Variants in ATP13A4 observed in about 807,000 individuals in gnomAD.
The protein encoded by ATP13A4 is probable cation-transporting ATPase 13A4.
Under a neutral mutation model 142.5 loss-of-function variants are expected in ATP13A4, and 114 were observed. The observed-to-expected ratio is 0.80, with a 90% CI of 0.69 to 0.93. The LOEUF (loss-of-function observed/expected upper bound fraction) is 0.93. Ranked by LOEUF, ATP13A4 falls within the 40% of genes least tolerant of loss-of-function variation. The pLI is 0.00. For missense variants in ATP13A4, 1,392 were observed against 1,454.0 expected (o/e 0.96, Z 0.69); for synonymous variants, 488 against 514.8 (o/e 0.95, Z 0.70).
At chr3:193,463,477 T>C (rs1718080480) in intron 12 of ATP13A4, among the ~76,000 whole-genome samples, 1 of 150,040 alleles carries the variant, frequency 6.7e-6, no homozygotes, top group African/African-American at 2.5e-5. Context: ...AGTGCAATAT[T>C]ATGGTTAAGA....
intron 7 of ATP13A4, among the ~76,000 whole-genome samples, chr3:193,484,764 G>C (rs1719506501): frequency 6.6e-6 from 1 of 152,052 alleles, no homozygotes; most frequent in African/African-American, 2.4e-5. Context: ...AATATTTCAG[G>C]AATAGAATGA....
In ATP13A4 at chr3:193,483,999, C is replaced by T. The variant is rs375444092; in HGVS notation, c.745G>A (p.Val249Ile). 6.2e-7 allele frequency: 1 copy of T among 1,607,962 alleles called. No homozygotes were observed. The highest frequency in any genetic ancestry group is 1.3e-5 in the African/African-American group (1 of 74,726). ...GACTCGACGAGATGGTGGAGTTTTA[C>T]AGATTGCTGAAAAAGAAGGAAAAAT... ...LTVYDLREQS[V>I]KLHHLVESHN... Residue 249 changes from valine (V) to isoleucine (I), a missense_variant, in exon 8 of 30, where the codon GTA becomes ATA. Coordinates refer to ENST00000342695, the MANE Select transcript of ATP13A4 (RefSeq NM_032279.4).
chr3:193,502,594 G>T lies in ATP13A4; in HGVS notation c.280C>A (p.Leu94Met). The T allele has an allele frequency of 6.2e-7, 1 of 1,613,796 alleles. No homozygotes were observed. Residue 94 changes from leucine (L) to methionine (M), a missense_variant, in exon 3 of 30, where the codon CTG becomes ATG. Coordinates refer to ENST00000342695, the MANE Select transcript of ATP13A4 (RefSeq NM_032279.4). ...YSWKKVIWIY[L>M]SALNSAFGLT... ...CCAAATGCGCTGTTTAATGCTGACA[G>T]GTAGATCCATATTACCTTTTTCCAA...
At chr3:193,492,661 C>T (rs948135899) in intron 5 of ATP13A4, among the ~76,000 whole-genome samples, 2 of 152,064 alleles carry the variant, frequency 1.3e-5, no homozygotes, top group African/African-American at 4.8e-5. Context: ...CTCGTTCCGG[C>T]CATGAAACCC....
At chr3:193,585,651 T>A (rs574560460) in intron 1 of ATP13A4, among the ~76,000 whole-genome samples, 1 of 152,284 alleles carries the variant, frequency 6.6e-6, no homozygotes, top group South Asian at 2.1e-4. Flanking sequence ...TCTGTTAGAT[T>A]CATTCGTGTT....
chr3:193,408,164 C>A (rs1386530876), intron 28 of ATP13A4, among the ~76,000 whole-genome samples: 1 of 152,252 alleles, frequency 6.6e-6, no homozygotes, highest in East Asian at 1.9e-4. Context: ...TGCATTGCCT[C>A]ATACGTTAGT....
chr3:193,582,837 TATATATGTATATTACATATATAAA>T (rs1724591648), intron 1 of ATP13A4, among the ~76,000 whole-genome samples: 1 of 15,392 alleles, frequency 6.5e-5, no homozygotes, highest in African/African-American at 4.8e-4. Context: ...ATATATAAAA[TATATATGTATATTACATATATAAA>T]ATATATATGT....
At chr3:193,402,937 C>T (rs62285692) in intron 29 of ATP13A4, 73 bp from the exon 30 acceptor site, 235,441 of 1,328,162 alleles carry the variant, frequency 0.18, 21,312 homozygotes, top group Admixed American at 0.23. Flanking sequence ...CACAGGCCAT[C>T]ATAAGTCACT....
chr3:193,578,483 A>G (rs1577088216), intron 2 of ATP13A4, among the ~76,000 whole-genome samples: 1 of 152,232 alleles, frequency 6.6e-6, no homozygotes, highest in Non-Finnish European at 1.5e-5. Context: ...TTCTCCCATT[A>G]TAGAGAGTGT....
chr3:193,528,914 C>A (rs180762018), intron 1 of ATP13A4, among the ~76,000 whole-genome samples: 1 of 152,128 alleles, frequency 6.6e-6, no homozygotes, highest in East Asian at 1.9e-4. Context: ...TCTTCTAATA[C>A]CCAAACCATA....
intron 2 of ATP13A4, 55 bp downstream of exon 2, chr3:193,514,643 A>C: frequency 6.2e-7 from 1 of 1,609,468 alleles, no homozygotes. Flanking sequence ...ATCCCGTAAC[A>C]CATTGTCCAG....
At chr3:193,548,288 C>T (rs1723339066) in intron 1 of ATP13A4, among the ~76,000 whole-genome samples, 1 of 152,162 alleles carries the variant, frequency 6.6e-6, no homozygotes, top group South Asian at 2.1e-4. Flanking sequence ...TGCAATTACG[C>T]TATCATGCCC....
chr3:193,568,719 G>T (rs1358152138), intron 2 of ATP13A4, among the ~76,000 whole-genome samples: 2 of 152,122 alleles, frequency 1.3e-5, no homozygotes, highest in Non-Finnish European at 1.5e-5. Context: ...TATACAAGAT[G>T]AGCCTCTTGT....
chr3:193,586,098 C>CACACACACACAT (rs1038980848), intron 1 of ATP13A4, among the ~76,000 whole-genome samples: 3 of 45,074 alleles, frequency 6.7e-5, no homozygotes, highest in African/African-American at 2.9e-4. Flanking sequence ...CATACACACA[C>CACACACACACAT]ACACACACAC....
At chr3:193,542,493 C>G (rs1378929773) in intron 1 of ATP13A4, among the ~76,000 whole-genome samples, 5 of 151,082 alleles carry the variant, frequency 3.3e-5, no homozygotes, top group African/African-American at 1.2e-4. Flanking sequence ...TATATGGTAC[C>G]CAAAAAAAAA....
chr3:193,589,413 A>G (rs1160011970), intron 1 of ATP13A4, among the ~76,000 whole-genome samples: 1 of 152,154 alleles, frequency 6.6e-6, no homozygotes, highest in Non-Finnish European at 1.5e-5. Context: ...GAGATCTCCC[A>G]AGAAGAACTT....
At chr3:193,493,856 T>C (rs1250000003) in intron 3 of ATP13A4, among the ~76,000 whole-genome samples, 1 of 152,052 alleles carries the variant, frequency 6.6e-6, no homozygotes, top group Non-Finnish European at 1.5e-5. Flanking sequence ...CATTTTCCTT[T>C]CTAACATAAA....
chr3:193,403,767 C>G lies in ATP13A4; in HGVS notation c.3379-903G>C, dbSNP rs1188733800. ...ATTTTCCACTTTTATCATGTTTGCT[C>G]ACAAAGATTGACCATCTTAGAGGTT... On this transcript the variant is annotated intron_variant, in intron 29 of 29. Coordinates refer to ENST00000342695, the MANE Select transcript of ATP13A4 (RefSeq NM_032279.4). 5.1e-6 allele frequency: 5 copies of G among 984,832 alleles called. No individual in the cohort carries two copies. The African/African-American group carries it at 8.7e-5, about 17-fold the overall frequency. 61.0% of individuals were successfully genotyped at this position (984,832 alleles called of 1,614,324 possible).
chr3:193,528,871 T>C (rs1260323946), intron 1 of ATP13A4, among the ~76,000 whole-genome samples: 1 of 7,874 alleles, frequency 1.3e-4, no homozygotes, highest in African/African-American at 1.7e-3. Context: ...TTTTATTCAA[T>C]GGTCCATTTT....
Sources: gnomAD v4.1 joint callset for allele counts (sites outside exome capture counted in the v4.1 genomes callset) on GRCh38, gnomAD v4.1.1 for gene constraint, MANE v1.5 for transcripts, NCBI Gene and HGNC (gene_info 2026-07-23, HGNC 2026-07-21) for gene names.